Variants in SMAD9 observed in about 807,000 individuals in gnomAD.
SMAD9 encodes the protein SMAD family member 9.
SMAD9 carries 36 observed loss-of-function variants against 46.1 expected under a neutral mutation model. The ratio of observed to expected loss-of-function variants is 0.78; its 90% CI spans 0.60 to 1.03. The LOEUF (loss-of-function observed/expected upper bound fraction) is 1.03, where lower values mean the gene tolerates loss of function less well. Ranked by LOEUF, SMAD9 falls within the 50% of genes least tolerant of loss-of-function variation. The pLI is 0.00. For missense variants in SMAD9, 572 were observed against 599.8 expected (o/e 0.95, Z 0.48); for synonymous variants, 245 against 237.1 (o/e 1.03, Z -0.31).
intron 5 of SMAD9, among the ~76,000 whole-genome samples, chr13:36,858,643 C>A (rs2058149586): frequency 6.6e-6 from 1 of 152,160 alleles, no homozygotes; most frequent in Admixed American, 6.5e-5. Flanking sequence ...CCTTCCAGAG[C>A]ACCCTTACAC....
intron 6 of SMAD9, among the ~76,000 whole-genome samples, chr13:36,853,145 C>A (rs1242735019): frequency 6.6e-6 from 1 of 152,018 alleles, no homozygotes; most frequent in African/African-American, 2.4e-5. Flanking sequence ...ATCAGCCAAG[C>A]GTGGTGGTGC....
rs886050176 is a variant in SMAD9 at position 36,920,184 on chromosome 13, A to AGCG, written c.-256_-255insCGC. On this transcript the variant is annotated 5_prime_UTR_variant, in exon 1 of 7. Coordinates refer to ENST00000379826, the MANE Select transcript of SMAD9 (RefSeq NM_001127217.3). The stretch of plus-strand genomic sequence containing the variant: ...CGGCGGGGACCGAGACAGCGGCTGC[A>AGCG]GCAGCGGCGGCGGCGGCGGCGGCGG... 4.8e-3 allele frequency: 351 copies of AGCG among 73,144 alleles called. 4 individuals are homozygous for AGCG. Among genetic ancestry groups the AGCG allele is most frequent in the Admixed American group, 0.013 (86 of 6,408 alleles). 4.5% of individuals were successfully genotyped at this position (73,144 alleles called of 1,614,324 possible).
intron 1 of SMAD9, among the ~76,000 whole-genome samples, chr13:36,905,357 A>T (rs2058610297): frequency 6.6e-6 from 1 of 152,086 alleles, no homozygotes; most frequent in Non-Finnish European, 1.5e-5. Context: ...AAGGTCTTAC[A>T]CTTCTTTTGA....
chr13:36,900,944 C>A (rs1345810575), intron 1 of SMAD9, among the ~76,000 whole-genome samples: 2 of 152,106 alleles, frequency 1.3e-5, no homozygotes, highest in Non-Finnish European at 2.9e-5. Context: ...TCTTCCCTCC[C>A]CATCGACCCT....
chr13:36,889,978 T>C (rs1050639084), intron 1 of SMAD9, among the ~76,000 whole-genome samples: 1 of 126,772 alleles, frequency 7.9e-6, no homozygotes, highest in Non-Finnish European at 1.7e-5. Context: ...ATTTGTCTTA[T>C]GAAATAAGTC....
At chr13:36,884,281 C>T (rs1303308325) in intron 1 of SMAD9, among the ~76,000 whole-genome samples, 1 of 152,164 alleles carries the variant, frequency 6.6e-6, no homozygotes, top group Non-Finnish European at 1.5e-5. Context: ...CTGGGCGTTC[C>T]TGTGTTTGAA....
At position 36,848,800 on chromosome 13, in the gene SMAD9, T is replaced by C. The variant is rs758887591; in HGVS notation, c.1280A>G (p.His427Arg). 6.2e-7 allele frequency: 1 copy of C among 1,614,042 alleles called. No individual in the cohort carries two copies. The change falls in exon 7 of 7, where the codon CAT (histidine) becomes CGT (arginine). Residue 427 changes from histidine (H) to arginine (R), a missense_variant. By Grantham distance (29) the His-to-Arg change is conservative. Coordinates refer to ENST00000379826, the MANE Select transcript of SMAD9 (RefSeq NM_001127217.3). ...GGGGGTGCTGGTGACATCCTGGCGA[T>C]GATACTCAGCACCCCAACCCTGAAA... ...SFVKGWGAEY[H>R]RQDVTSTPCW...
rs35571488 is a variant in SMAD9 at position 36,851,969 on chromosome 13, GAA to G, written c.1260+1448_1260+1449del. 2.2e-3 allele frequency: 1,884 copies of G among 863,282 alleles called. 27 individuals are homozygous for G. The African/African-American group carries it at 0.031, about 14-fold the overall frequency. The allele number at this position is 863,282 out of a possible 1,614,324, so 53.5% of individuals were successfully genotyped here. ...TCCTAATTTTAAAAACACAGACCCG[GAA>G]AAAAAAAAAACTGTATGATTCAAAT... On this transcript the variant is annotated intron_variant, in intron 6 of 6. Coordinates refer to ENST00000379826, the MANE Select transcript of SMAD9 (RefSeq NM_001127217.3).
rs1416105442 is a variant in SMAD9 at position 36,846,509 on chromosome 13, A to G, written c.*2167T>C. ...AAAAAAAAAAAAAGATTACCAGAGG[A>G]TAAGTTAGATAGCTGGTAGAGAGAT... On this transcript the variant is annotated 3_prime_UTR_variant, in exon 7 of 7. Coordinates refer to ENST00000379826, the MANE Select transcript of SMAD9 (RefSeq NM_001127217.3). The G allele has an allele frequency of 6.7e-6, 1 of 150,246 alleles. No individual in the cohort carries two copies. The highest frequency in any genetic ancestry group is 1.5e-5 in the Non-Finnish European group (1 of 67,920). The allele number at this position is 150,246 out of a possible 1,614,324, so 9.3% of individuals were successfully genotyped here. A position where few individuals can be genotyped will look rare whatever the true frequency, so the allele number is the denominator to read the frequency against.
chr13:36,866,774 T>A (rs181034955), intron 4 of SMAD9, among the ~76,000 whole-genome samples: 1 of 152,286 alleles, frequency 6.6e-6, no homozygotes, highest in East Asian at 1.9e-4. Flanking sequence ...CACCGTAAGA[T>A]CTACAGAATA....
chr13:36,858,662 C>T (rs2058149798), intron 5 of SMAD9, among the ~76,000 whole-genome samples: 1 of 152,154 alleles, frequency 6.6e-6, no homozygotes, highest in South Asian at 2.1e-4. Flanking sequence ...ACACCATGCC[C>T]ACCCCATCCT....
chr13:36,910,661 C>T (rs1217050616), intron 1 of SMAD9, among the ~76,000 whole-genome samples: 1 of 152,224 alleles, frequency 6.6e-6, no homozygotes, highest in African/African-American at 2.4e-5. Flanking sequence ...GGCCCCTGTG[C>T]AGCTCTATCT....
intron 1 of SMAD9, among the ~76,000 whole-genome samples, chr13:36,908,828 C>T (rs1006576160): frequency 2.0e-5 from 3 of 152,140 alleles, no homozygotes; most frequent in South Asian, 2.1e-4. Flanking sequence ...TCTCCAATAA[C>T]GGCTGGATTT....
intron 2 of SMAD9, among the ~76,000 whole-genome samples, chr13:36,874,739 C>T (rs966268150): frequency 7.9e-5 from 12 of 151,206 alleles, no homozygotes; most frequent in African/African-American, 2.9e-4. Context: ...TGCCTGTAGT[C>T]CCAGCTACTT....
chr13:36,867,947 G>A (rs981566386), intron 3 of SMAD9, among the ~76,000 whole-genome samples: 5 of 152,206 alleles, frequency 3.3e-5, no homozygotes, highest in Admixed American at 1.3e-4. Flanking sequence ...GATGCATTCC[G>A]TGGATAATAA....
intron 5 of SMAD9, among the ~76,000 whole-genome samples, chr13:36,858,348 A>C (rs61950368): frequency 0.041 from 6,216 of 152,304 alleles, 163 homozygotes; most frequent in Non-Finnish European, 0.062. Context: ...TTTGCCTCCT[A>C]GTCTTCAGAG....
chr13:36,919,743 G>A (rs940777105), intron 1 of SMAD9, among the ~76,000 whole-genome samples: 59 of 149,288 alleles, frequency 4.0e-4, no homozygotes, highest in African/African-American at 1.3e-3. Flanking sequence ...GGGGCCCGCG[G>A]CGCGGGCGGA....
At chr13:36,890,801 C>G (rs1259654457) in intron 1 of SMAD9, among the ~76,000 whole-genome samples, 2 of 151,940 alleles carry the variant, frequency 1.3e-5, no homozygotes, top group African/African-American at 4.8e-5. Context: ...CTCTCACCCC[C>G]CACTCTCCCC....
chr13:36,897,780 A>T (rs2058540595), intron 1 of SMAD9, among the ~76,000 whole-genome samples: 2 of 151,274 alleles, frequency 1.3e-5, no homozygotes, highest in African/African-American at 4.9e-5. Flanking sequence ...GCAGTTCATG[A>T]CTTACAAGGA....
Sources: allele counts gnomAD v4.1 joint callset (sites outside exome capture counted in the v4.1 genomes callset), GRCh38; gene constraint gnomAD v4.1.1; transcripts MANE v1.5; gene names NCBI Gene and HGNC (gene_info 2026-07-23, HGNC 2026-07-21).